Variants in CNTNAP2 observed in about 807,000 individuals in gnomAD.
The protein encoded by CNTNAP2 is contactin-associated protein-like 2.
A neutral mutation model predicts 155.2 loss-of-function variants in CNTNAP2; 98 were observed. The ratio of observed to expected loss-of-function variants is 0.63; its 90% CI spans 0.54 to 0.75. The LOEUF (loss-of-function observed/expected upper bound fraction) is 0.75. CNTNAP2 is among the 30% of genes least tolerant of loss of function. CNTNAP2 has a pLI of 0.00. For synonymous variants in CNTNAP2, 651 were observed against 631.2 expected (o/e 1.03, Z -0.47); for missense variants, 1,727 against 1,688.1 (o/e 1.02, Z -0.40).
chr7:147,580,106 C>T (rs1216186658), intron 12 of CNTNAP2, among the ~76,000 whole-genome samples: 2 of 152,124 alleles, frequency 1.3e-5, no homozygotes, highest in Non-Finnish European at 2.9e-5. Flanking sequence ...GCATGTTGAC[C>T]CAAGTACTCT....
At chr7:148,368,691 G>A (rs563896206) in intron 21 of CNTNAP2, among the ~76,000 whole-genome samples, 7 of 152,260 alleles carry the variant, frequency 4.6e-5, no homozygotes, top group African/African-American at 1.7e-4. Context: ...CAAGCTACCC[G>A]AGTGAGCAAT....
At chr7:146,911,593 G>A (rs1796280097) in intron 3 of CNTNAP2, among the ~76,000 whole-genome samples, 1 of 148,126 alleles carries the variant, frequency 6.8e-6, no homozygotes, top group Non-Finnish European at 1.5e-5. Context: ...ACTCATAGGT[G>A]GGAATTGAAC....
intron 2 of CNTNAP2, among the ~76,000 whole-genome samples, chr7:146,823,817 C>A (rs1585108443): frequency 6.6e-6 from 1 of 151,984 alleles, no homozygotes; most frequent in African/African-American, 2.4e-5. Flanking sequence ...ATGGCTGAAT[C>A]AAAATGTTGA....
At chr7:147,311,708 T>C (rs796323817) in intron 9 of CNTNAP2, among the ~76,000 whole-genome samples, 1 of 41,776 alleles carries the variant, frequency 2.4e-5, no homozygotes, top group Non-Finnish European at 4.0e-5. Flanking sequence ...AAGTTTGTGT[T>C]TTTTTTTCCC....
At chr7:147,309,177 A>G (rs1795080827) in intron 9 of CNTNAP2, among the ~76,000 whole-genome samples, 1 of 152,176 alleles carries the variant, frequency 6.6e-6, no homozygotes, top group Admixed American at 6.5e-5. Flanking sequence ...CTAAACTGGA[A>G]ATTAGCTCTC....
At chr7:146,966,851 A>T (rs1166257373) in intron 3 of CNTNAP2, among the ~76,000 whole-genome samples, 1 of 152,234 alleles carries the variant, frequency 6.6e-6, no homozygotes, top group Admixed American at 6.5e-5. Context: ...AATCTATTGT[A>T]TACTAAATAG....
At chr7:147,825,277 T>C (rs1181537222) in intron 13 of CNTNAP2, among the ~76,000 whole-genome samples, 3 of 152,210 alleles carry the variant, frequency 2.0e-5, no homozygotes, top group South Asian at 2.1e-4. Context: ...GCAGTGCTTC[T>C]AGTGAGCGTT....
intron 13 of CNTNAP2, among the ~76,000 whole-genome samples, chr7:147,841,331 G>C (rs1798727302): frequency 6.6e-6 from 1 of 152,124 alleles, no homozygotes; most frequent in Non-Finnish European, 1.5e-5. Flanking sequence ...CACAGCATTT[G>C]CCAGATCGTC....
chr7:147,990,272 A>G (rs1483329288), intron 15 of CNTNAP2, among the ~76,000 whole-genome samples: 1 of 152,218 alleles, frequency 6.6e-6, no homozygotes, highest in East Asian at 1.9e-4. Flanking sequence ...GGAGTTAAAG[A>G]AAGAGGAAAG....
At chr7:147,172,006 G>A (rs1034734019) in intron 8 of CNTNAP2, among the ~76,000 whole-genome samples, 3 of 152,048 alleles carry the variant, frequency 2.0e-5, no homozygotes, top group African/African-American at 7.3e-5. Flanking sequence ...AGACACTGTC[G>A]GGAATACAGA....
intron 3 of CNTNAP2, among the ~76,000 whole-genome samples, chr7:147,042,631 A>G (rs975257067): frequency 2.6e-5 from 4 of 152,156 alleles, no homozygotes; most frequent in African/African-American, 9.7e-5. Context: ...AATTTTTTTA[A>G]AAGACAAAAC....
At chr7:146,387,159 G>T (rs1563064767) in intron 1 of CNTNAP2, among the ~76,000 whole-genome samples, 1 of 152,190 alleles carries the variant, frequency 6.6e-6, no homozygotes, top group Non-Finnish European at 1.5e-5. Flanking sequence ...AGGAAGATGA[G>T]AAGTGAATAA....
At chr7:146,834,684 A>C (rs1803582359) in intron 2 of CNTNAP2, among the ~76,000 whole-genome samples, 1 of 152,218 alleles carries the variant, frequency 6.6e-6, no homozygotes, top group Admixed American at 6.5e-5. Context: ...TATTATCTCT[A>C]GGCAAGTGTT....
intron 1 of CNTNAP2, among the ~76,000 whole-genome samples, chr7:146,389,696 C>CTTTTT (rs1408040421): frequency 6.4e-5 from 9 of 140,854 alleles, no homozygotes; most frequent in African/African-American, 2.4e-4. Context: ...TTTTTCTTTT[C>CTTTTT]TTTTTTCTTT....
At chr7:146,888,640 T>C (rs7458388) in intron 3 of CNTNAP2, among the ~76,000 whole-genome samples, 55,829 of 151,780 alleles carry the variant, frequency 0.37, 12,066 homozygotes, top group East Asian at 0.65. Context: ...TTATATAGTA[T>C]ATACATACAC....
At chr7:146,759,711 A>AAG (rs1309834469) in intron 1 of CNTNAP2, among the ~76,000 whole-genome samples, 585 of 60,576 alleles carry the variant, frequency 9.7e-3, no homozygotes, top group Non-Finnish European at 0.013. Flanking sequence ...AAAAAAAAAA[A>AAG]GGTGGGTGGG....
At chr7:146,166,446 C>G (rs1170873339) in intron 1 of CNTNAP2, among the ~76,000 whole-genome samples, 1 of 152,066 alleles carries the variant, frequency 6.6e-6, no homozygotes, top group East Asian at 1.9e-4. Flanking sequence ...GGACTGTACT[C>G]CAAAAAGCTA....
At position 148,125,702 on chromosome 7, in the gene CNTNAP2, GTT is replaced by G. The variant is rs1169497898; in HGVS notation, c.2554+7427_2554+7428del. On this transcript the variant is annotated intron_variant, in intron 16 of 23. Coordinates refer to ENST00000361727, the MANE Select transcript of CNTNAP2 (RefSeq NM_014141.6). Reference sequence around the variant, plus strand: ...GTGTGTGTGTGTGTATATATATATAGTTTTTTTTTTTTTTGGACAGATTCTCA... The same window carrying G: ...GTGTGTGTGTGTGTATATATATATAGTTTTTTTTTTTTGGACAGATTCTCA... Among the ~76,000 whole-genome samples, 3 of 124,136 alleles carry G rather than the reference GTT, an allele frequency of 2.4e-5. No homozygotes were observed. In the East Asian group the frequency reaches 7.2e-4, roughly 30 times the overall value. 81.4% of individuals were successfully genotyped at this position (124,136 alleles called of 152,430 possible). A position where few individuals can be genotyped will look rare whatever the true frequency, so the allele number is the denominator to read the frequency against.
rs532166430 is a variant in CNTNAP2, at chr7:147,532,563, C to T, written c.1778-29575C>T. ...AGTTGCTTCACACATTTTCGGGTAT[C>T]TTTTCAGCAGCGCCCCACTCTACTG... On this transcript the variant is annotated intron_variant, in intron 11 of 23. Transcript: ENST00000361727. 1.6e-3 allele frequency among the ~76,000 whole-genome samples: 242 copies of T among 152,290 alleles called. 2 individuals are homozygous for T. The highest frequency in any genetic ancestry group is 3.6e-3 in the Admixed American group (55 of 15,294).
Sources: gnomAD v4.1 joint callset for allele counts (sites outside exome capture counted in the v4.1 genomes callset) on GRCh38, gnomAD v4.1.1 for gene constraint, MANE v1.5 for transcripts, NCBI Gene and HGNC (gene_info 2026-07-23, HGNC 2026-07-21) for gene names.